Variants in ATRNL1 observed in about 807,000 individuals in gnomAD.
ATRNL1 encodes attractin-like protein 1.
A neutral mutation model predicts 182.7 loss-of-function variants in ATRNL1; 95 were observed. The observed-to-expected ratio is 0.52, with a 90% confidence interval of 0.44 to 0.62. ATRNL1 has a LOEUF of 0.62. Ranked by LOEUF, ATRNL1 falls within the 20% of genes least tolerant of loss-of-function variation. ATRNL1 has a pLI of 0.00. For synonymous variants in ATRNL1, 576 were observed against 568.3 expected (o/e 1.01, Z -0.19); for missense variants, 1,471 against 1,679.5 (o/e 0.88, Z 2.17).
chr10:115,859,246 C>T (rs1362898728), intron 28 of ATRNL1, among the ~76,000 whole-genome samples: 1 of 151,944 alleles, frequency 6.6e-6, no homozygotes, highest in Non-Finnish European at 1.5e-5. Context: ...CCATAGCAGG[C>T]TTCTTCTGTA....
At chr10:115,480,509 T>G (rs1848718228) in intron 24 of ATRNL1, among the ~76,000 whole-genome samples, 1 of 151,162 alleles carries the variant, frequency 6.6e-6, no homozygotes, top group South Asian at 2.1e-4. Flanking sequence ...CAAGGTAACA[T>G]AAATTCAAAA....
At chr10:115,750,345 G>A (rs2960637) in intron 27 of ATRNL1, among the ~76,000 whole-genome samples, 141,167 of 151,914 alleles carry the variant, frequency 0.93, 66,473 homozygotes, top group East Asian at 1. Flanking sequence ...AAATTTAGTT[G>A]AAAAATTGGC....
intron 20 of ATRNL1, 38 bp from the exon 21 acceptor site, chr10:115,426,212 C>T: frequency 6.4e-7 from 1 of 1,561,868 alleles, no homozygotes; most frequent in Non-Finnish European, 8.8e-7. Flanking sequence ...TTTTGAATTG[C>T]ATTGTTTAAT....
chr10:115,820,649 G>A (rs782031221), intron 27 of ATRNL1, among the ~76,000 whole-genome samples: 24 of 152,162 alleles, frequency 1.6e-4, no homozygotes, highest in Non-Finnish European at 2.6e-4. Flanking sequence ...TATTTAGTCC[G>A]TTTTTCATAG....
At chr10:115,633,191 G>C (rs952956023) in intron 26 of ATRNL1, among the ~76,000 whole-genome samples, 4 of 152,088 alleles carry the variant, frequency 2.6e-5, no homozygotes, top group Admixed American at 1.3e-4. Context: ...GATTACAGGC[G>C]TGAGCCACTA....
At chr10:115,813,699 A>C (rs1202664461) in intron 27 of ATRNL1, among the ~76,000 whole-genome samples, 1 of 152,236 alleles carries the variant, frequency 6.6e-6, no homozygotes, top group Non-Finnish European at 1.5e-5. Context: ...GGCAATTATA[A>C]AATGGTATTA....
chr10:115,223,929 A>ATATATATATTTT (rs1420143943), intron 9 of ATRNL1, among the ~76,000 whole-genome samples: 31 of 44,730 alleles, frequency 6.9e-4, no homozygotes, highest in South Asian at 1.6e-3. Flanking sequence ...ATATATATAT[A>ATATATATATTTT]TTTTTTTTTT....
chr10:115,276,894 A>G (rs1294478078), intron 13 of ATRNL1, among the ~76,000 whole-genome samples: 1 of 152,110 alleles, frequency 6.6e-6, no homozygotes, highest in Admixed American at 6.6e-5. Context: ...ATAAATGACT[A>G]TATTTTTCTT....
intron 27 of ATRNL1, among the ~76,000 whole-genome samples, chr10:115,805,390 C>T (rs782224805): frequency 7.2e-5 from 11 of 152,146 alleles, no homozygotes; most frequent in Admixed American, 2.6e-4. Flanking sequence ...GGTCCATTCT[C>T]TCTCTGTCAC....
Position 115,727,336 on chromosome 10 carries a change from T to G in ATRNL1, c.3884T>G (p.Phe1295Cys), listed in dbSNP as rs1947630676. 1 of 1,614,042 alleles carries G rather than the reference T, an allele frequency of 6.2e-7. No individual in the cohort carries two copies. The highest frequency in any genetic ancestry group is 1.3e-5 in the African/African-American group (1 of 75,060). The change falls in exon 27 of 29, where the codon TTT becomes TGT. Residue 1295 changes from phenylalanine (F) to cysteine (C), a missense_variant. Physicochemically the swap from Phe to Cys is radical, Grantham distance 205. Around this residue, in one of 3 missense-constraint regions of ATRNL1, gnomAD observed 437 missense variants for 506.0 expected, o/e 0.86. Coordinates refer to ENST00000355044, the MANE Select transcript of ATRNL1 (RefSeq NM_207303.4). ...GAAGTGGGAGCTGAACAAACAGAGT[T>G]TCTGCGAGGGCCATTAGAGGTAGGA... ...ALEVGAEQTEFLRGPLEGAPK... is the reference protein window; with the variant it reads ...ALEVGAEQTECLRGPLEGAPK...
rs1051067733 is a variant in ATRNL1, at chr10:115,717,604, T to C, written c.3796-9644T>C. On this transcript the variant is annotated intron_variant, in intron 26 of 28. Coordinates refer to ENST00000355044, the MANE Select transcript of ATRNL1 (RefSeq NM_207303.4). ...TCTCGCTCTGTCACCTGGGCTAGAG[T>C]GCAGTGGTGCAATCTCAGCACACTG... Among the ~76,000 whole-genome samples the C allele has an allele frequency of 5.1e-5, 7 of 137,978 alleles. No homozygotes were observed. In the East Asian group the frequency reaches 1.7e-3, roughly 34 times the overall value. 90.5% of individuals were successfully genotyped at this position (137,978 alleles called of 152,430 possible).
chr10:115,790,189 A>C, intron 27 of ATRNL1, among the ~76,000 whole-genome samples: 1 of 152,066 alleles, frequency 6.6e-6, no homozygotes, highest in Non-Finnish European at 1.5e-5. Flanking sequence ...GAGCAGGACA[A>C]TCTGACAAGT....
intron 1 of ATRNL1, among the ~76,000 whole-genome samples, chr10:115,113,700 G>C (rs1025365452): frequency 2.0e-5 from 3 of 152,282 alleles, no homozygotes; most frequent in Non-Finnish European, 4.4e-5. Flanking sequence ...ACGTGGAACT[G>C]TAAGTCCATT....
Position 115,626,584 on chromosome 10 carries a change from A to G in ATRNL1, c.3795+77048A>G, listed in dbSNP as rs189272351. Reference sequence around the variant, plus strand: ...AATATGTTTCCTTAGACAGGCAGCAATTTAAATCATTTTTTGTGACTCTTA... The same window carrying G: ...AATATGTTTCCTTAGACAGGCAGCAGTTTAAATCATTTTTTGTGACTCTTA... On this transcript the variant is annotated intron_variant, in intron 26 of 28. Transcript: ENST00000355044. 2.7e-3 allele frequency among the ~76,000 whole-genome samples: 407 copies of G among 152,308 alleles called. 3 individuals carry two copies. Among genetic ancestry groups the G allele is most frequent in the African/African-American group, 9.3e-3 (388 of 41,570 alleles).
At chr10:115,223,847 G>A (rs1849567798) in intron 9 of ATRNL1, among the ~76,000 whole-genome samples, 1 of 142,216 alleles carries the variant, frequency 7.0e-6, no homozygotes. Flanking sequence ...TAATATATAT[G>A]TGTATATATA....
intron 7 of ATRNL1, among the ~76,000 whole-genome samples, chr10:115,169,679 TG>T (rs1554885087): frequency 1.3e-5 from 2 of 152,190 alleles, no homozygotes; most frequent in South Asian, 4.1e-4. Flanking sequence ...ATAGGGATCA[TG>T]TTGAATCTGT....
chr10:115,221,796 A>G (rs999997721), intron 9 of ATRNL1, among the ~76,000 whole-genome samples: 1 of 152,150 alleles, frequency 6.6e-6, no homozygotes, highest in African/African-American at 2.4e-5. Context: ...TAATTAGCCC[A>G]CCTTTGAATC....
chr10:115,258,863 C>T (rs1281767449), intron 10 of ATRNL1, among the ~76,000 whole-genome samples: 6 of 152,182 alleles, frequency 3.9e-5, no homozygotes, highest in Admixed American at 2.6e-4. Flanking sequence ...TTTCTTCTAA[C>T]AGTCAGGTCC....
At chr10:115,453,929 C>A (rs1354732948) in intron 21 of ATRNL1, among the ~76,000 whole-genome samples, 1 of 151,184 alleles carries the variant, frequency 6.6e-6, no homozygotes, top group Non-Finnish European at 1.5e-5. Flanking sequence ...CACATGTACC[C>A]TAAAACTTAA....
Sources: gnomAD v4.1 joint callset for allele counts (sites outside exome capture counted in the v4.1 genomes callset) on GRCh38, gnomAD v4.1.1 for gene constraint, gnomAD v4.1.1 regional missense constraint, MANE v1.5 for transcripts, NCBI Gene and HGNC (gene_info 2026-07-23, HGNC 2026-07-21) for gene names.